The following GOLGA2 variants were observed in gnomAD, a reference collection of about 807,000 sequenced individuals.
The protein encoded by GOLGA2 is golgin subfamily A member 2.
A neutral mutation model predicts 148.8 loss-of-function variants in GOLGA2; 49 were observed. The ratio of observed to expected loss-of-function variants is 0.33; its 90% CI spans 0.26 to 0.42. The LOEUF is 0.42. Among genes scored for constraint, GOLGA2 ranks in the 10% least tolerant of loss-of-function variants. The pLI is 1.00. For missense variants in GOLGA2, 1,178 were observed against 1,304.6 expected (o/e 0.90, Z 1.49); for synonymous variants, 501 against 511.8 (o/e 0.98, Z 0.28).
Position 128,260,600 on chromosome 9 carries a change from C to A in GOLGA2, c.1623G>T (p.Trp541Cys), listed in dbSNP as rs552684735. The A allele has an allele frequency of 7.3e-5, 118 of 1,611,568 alleles. No homozygotes were observed. In the South Asian group the frequency reaches 1.0e-3, roughly 14 times the overall value. ...LLELERAAEL[W>C]GEQAEARRQI... ...GCCTGCGCGCCTCCGCCTGCTCCCC[C>A]CAGAGCTCGGCCGCCCGCTCCAGCT... Residue 541 changes from tryptophan (W) to cysteine (C), a missense_variant, in exon 18 of 27, where the codon TGG (tryptophan) becomes TGT (cysteine). Trp to Cys is a radical substitution (Grantham distance 215). Coordinates refer to ENST00000611957, the MANE Select transcript of GOLGA2 (RefSeq NM_001366244.2). The surrounding 1 kb of genome is among the most constrained non-coding windows in gnomAD (Gnocchi z 4.8).
In GOLGA2 at chr9:128,258,261, G is replaced by C. The variant is rs1830029484; in HGVS notation, c.2290-63C>G. The C allele has an allele frequency of 7.5e-7, 1 of 1,333,238 alleles. No homozygotes were observed. The highest frequency in any genetic ancestry group is 1.4e-5 in the African/African-American group (1 of 69,260). 82.6% of individuals were successfully genotyped at this position (1,333,238 alleles called of 1,614,324 possible). A position where few individuals can be genotyped will look rare whatever the true frequency, so the allele number is the denominator to read the frequency against. On this transcript the variant is annotated intron_variant, in intron 22 of 26. Coordinates refer to ENST00000611957, the MANE Select transcript of GOLGA2 (RefSeq NM_001366244.2). This position sits in a 1 kb window ranked among gnomAD's most constrained non-coding sequence, Gnocchi z 6.6. Reference sequence around the variant, plus strand: ...ATAGGATGAACAGGGCAGGGAGGTAGAGAGCAGCCCTTCCCTTGGGGCCTC... The same window carrying C: ...ATAGGATGAACAGGGCAGGGAGGTACAGAGCAGCCCTTCCCTTGGGGCCTC...
intron 3 of GOLGA2, among the ~76,000 whole-genome samples, chr9:128,270,069 T>C (rs1352685712): frequency 6.6e-6 from 1 of 151,412 alleles, no homozygotes; most frequent in Non-Finnish European, 1.5e-5. Flanking sequence ...AGGGCCCTCC[T>C]GGCATCTTCG....
chr9:128,262,724 A>C lies in GOLGA2; in HGVS notation c.993-20T>G. ...CTTTGGCTATGGCCAGAGGCAGTAG[A>C]GAAAGGAATGAACGAAGAACAGAAA... On this transcript the variant is annotated intron_variant, in intron 13 of 26. Coordinates refer to ENST00000611957, the MANE Select transcript of GOLGA2 (RefSeq NM_001366244.2). 6.2e-7 allele frequency: 1 copy of C among 1,608,032 alleles called. No homozygotes were observed. The highest frequency in any genetic ancestry group is 8.5e-7 in the Non-Finnish European group (1 of 1,177,084).
At chr9:128,262,003 A>T (rs1830305435) in intron 14 of GOLGA2, 1 of 491,114 alleles carries the variant, frequency 2.0e-6, no homozygotes. Context: ...CAGGAGTTCA[A>T]GACCAACCTC....
chr9:128,259,222 T>C lies in GOLGA2; in HGVS notation c.2042A>G (p.Glu681Gly). The change falls in exon 20 of 27, where the codon GAA (glutamate) becomes GGA (glycine). Residue 681 changes from glutamate to glycine, a missense_variant. Transcript: ENST00000611957. Reference sequence around the variant, plus strand: ...CTCGGCCACCGCTTTGCCCTGAGCTTCCTGCTGCTGCAGCTGGTCCACGAG... The same window carrying C: ...CTCGGCCACCGCTTTGCCCTGAGCTCCCTGCTGCTGCAGCTGGTCCACGAG... Reference protein sequence around the residue: ...TQLVDQLQQQEAQGKAVAEMA... With the variant: ...TQLVDQLQQQGAQGKAVAEMA... 1.9e-6 allele frequency: 3 copies of C among 1,592,752 alleles called. No homozygotes were observed. Among genetic ancestry groups the C allele is most frequent in the Non-Finnish European group, 2.6e-6 (3 of 1,169,868 alleles).
Position 128,271,777 on chromosome 9 carries a change from G to A in GOLGA2, c.288+1008C>T, listed in dbSNP as rs187847659. 2.0e-5 allele frequency among the ~76,000 whole-genome samples: 3 copies of A among 152,176 alleles called. No individual in the cohort carries two copies. The highest frequency in any genetic ancestry group is 7.2e-5 in the African/African-American group (3 of 41,524). On this transcript the variant is annotated intron_variant, in intron 3 of 26. Transcript: ENST00000611957. This position sits in a 1 kb window ranked among gnomAD's most constrained non-coding sequence, Gnocchi z 4.4. ...TCCTTCAGAGGAGTCTGCCTCCCTC[G>A]GTGTGCAGCCTACCTTGTTCATCTA...
chr9:128,263,039 C>A lies in GOLGA2; in HGVS notation c.987G>T (p.Lys329Asn). The A allele has an allele frequency of 6.2e-7, 1 of 1,604,762 alleles. No individual in the cohort carries two copies. The highest frequency in any genetic ancestry group is 2.2e-5 in the East Asian group (1 of 44,798). The change falls in exon 13 of 27, where the codon AAG (lysine) becomes AAT (asparagine). Residue 329 changes from lysine (K) to asparagine (N), a missense_variant. This residue lies in a region of GOLGA2 where 304 missense variants were observed against 404.1 expected (regional missense o/e 0.75). Transcript: ENST00000611957. Reference sequence around the variant, plus strand: ...CCCACCATCCCCCATCCTACGTGTTCTTGTATAACTCCAGCCTGAGGGCGT... The same window carrying A: ...CCCACCATCCCCCATCCTACGTGTTATTGTATAACTCCAGCCTGAGGGCGT... ...ERDALRLELYKNTQSNEDLKQ... is the reference protein window; with the variant it reads ...ERDALRLELYNNTQSNEDLKQ...
intron 1 of GOLGA2, among the ~76,000 whole-genome samples, chr9:128,275,089 T>C (rs988674964): frequency 1.1e-4 from 17 of 152,180 alleles, no homozygotes. Context: ...CGTTCTCACA[T>C]TGCCACCCAG....
chr9:128,270,103 GA>G (rs1247240105), intron 3 of GOLGA2, among the ~76,000 whole-genome samples: 12 of 149,914 alleles, frequency 8.0e-5, no homozygotes, highest in Non-Finnish European at 1.5e-4. Context: ...TCTAGGATTA[GA>G]CACAAGAATG....
Position 128,257,485 on chromosome 9 carries a change from A to T in GOLGA2, c.2759T>A (p.Val920Glu). The change falls in exon 26 of 27, where the codon GTG becomes GAG. Residue 920 changes from valine to glutamate, a missense_variant. Transcript: ENST00000611957. This position sits in a 1 kb window ranked among gnomAD's most constrained non-coding sequence, Gnocchi z 8.0. ...LELQELVLRL[V>E]GDRNEWHGRF... ...GCCATGCCACTCGTTGCGGTCGCCC[A>T]CAAGCCGTAAGACCAGCTCCTGCAG... The T allele has an allele frequency of 6.2e-7, 1 of 1,613,582 alleles. No individual in the cohort carries two copies. The highest frequency in any genetic ancestry group is 8.5e-7 in the Non-Finnish European group (1 of 1,179,990).
At chr9:128,268,576 A>G in intron 3 of GOLGA2, 52 bp from the exon 4 acceptor site, 1 of 931,540 alleles carries the variant, frequency 1.1e-6, no homozygotes, top group African/African-American at 1.6e-5. Flanking sequence ...GAGGTGCCTC[A>G]GTACTATGAA....
In GOLGA2 at chr9:128,262,692, C is replaced by T; in HGVS notation, c.1005G>A (p.Glu335=). The change falls in exon 14 of 27, where the codon GAG becomes GAA. Residue 335 remains glutamate, a synonymous_variant. Transcript: ENST00000611957. The stretch of plus-strand genomic sequence containing the variant: ...ATTCTGATTTCTCTTGCTTCAGGTC[C>T]TCATTGCTTTGGCTATGGCCAGAGG... The part of the protein sequence containing the change: ...LELYKNTQSN[E]DLKQEKSELE... 6.2e-7 allele frequency: 1 copy of T among 1,613,168 alleles called. No individual in the cohort carries two copies.
Position 128,256,876 on chromosome 9 carries a change from T to C in GOLGA2, c.*191A>G, listed in dbSNP as rs537540627. 2.0e-6 allele frequency: 1 copy of C among 488,516 alleles called. No individual in the cohort carries two copies. Among genetic ancestry groups the C allele is most frequent in the Admixed American group, 3.5e-5 (1 of 28,778 alleles). The allele number at this position is 488,516 out of a possible 1,614,324, so 30.3% of individuals were successfully genotyped here. A position where few individuals can be genotyped will look rare whatever the true frequency, so the allele number is the denominator to read the frequency against. ...TTTTAATCCCATAACTTTTAATTTTTTTTTAATTTAGTGGCCAGCTTTTAG... is the reference window on the plus strand; with the variant it reads ...TTTTAATCCCATAACTTTTAATTTTCTTTTAATTTAGTGGCCAGCTTTTAG... On this transcript the variant is annotated 3_prime_UTR_variant, in exon 27 of 27. Coordinates refer to ENST00000611957, the MANE Select transcript of GOLGA2 (RefSeq NM_001366244.2).
chr9:128,259,387 T>C lies in GOLGA2; in HGVS notation c.1877A>G (p.Glu626Gly), dbSNP rs1588478374. The C allele has an allele frequency of 1.9e-6, 3 of 1,575,958 alleles. No individual in the cohort carries two copies. Reference protein sequence around the residue: ...EKLSELKETVELKSQEAQSLQ... With the variant: ...EKLSELKETVGLKSQEAQSLQ... ...ACTTTGAGCCTCTTGGCTCTTCAGC[T>C]CCACCTGTAGGAAGACCCTGGGCGT... is the stretch of plus-strand genomic sequence containing the variant. Residue 626 changes from glutamate to glycine, a missense_variant, in exon 20 of 27, where the codon GAG (glutamate) becomes GGG (glycine). By Grantham distance (98) the Glu-to-Gly change is moderately conservative (BLOSUM62 -2). Transcript: ENST00000611957.
chr9:128,271,239 C>T lies in GOLGA2; in HGVS notation c.288+1546G>A, dbSNP rs73672483. Among the ~76,000 whole-genome samples the T allele has an allele frequency of 1.3e-5, 2 of 152,096 alleles. No homozygotes were observed. Among genetic ancestry groups the T allele is most frequent in the Non-Finnish European group, 1.5e-5 (1 of 68,030 alleles). On this transcript the variant is annotated intron_variant, in intron 3 of 26. Coordinates refer to ENST00000611957, the MANE Select transcript of GOLGA2 (RefSeq NM_001366244.2). This position sits in a 1 kb window ranked among gnomAD's most constrained non-coding sequence, Gnocchi z 4.4. ...CACCTCTAAGCCTGTGCTCCCCAGC[C>T]GTACCACTCAGCGTCTCCTCTGAGC...
chr9:128,270,484 G>A (rs1830872892), intron 3 of GOLGA2, among the ~76,000 whole-genome samples: 1 of 152,012 alleles, frequency 6.6e-6, no homozygotes, highest in Non-Finnish European at 1.5e-5. Flanking sequence ...ATTATTTTGT[G>A]AGCAACCAAG....
chr9:128,263,163 T>C (rs1278292066), intron 12 of GOLGA2, 71 bp from the exon 13 acceptor site: 1 of 841,870 alleles, frequency 1.2e-6, no homozygotes, highest in Non-Finnish European at 2.1e-6. Context: ...TAACAACAGC[T>C]ACAGTAAGTA....
In GOLGA2 at chr9:128,266,372, C is replaced by T. The variant is rs530238442; in HGVS notation, c.643-47G>A. ...AGGTGACTGAGGGTGGCCCCCTCAA[C>T]TCTATTCCCCAGACCAGGAACGGGT... On this transcript the variant is annotated intron_variant, in intron 8 of 26. Coordinates refer to ENST00000611957, the MANE Select transcript of GOLGA2 (RefSeq NM_001366244.2). This position sits in a 1 kb window ranked among gnomAD's most constrained non-coding sequence, Gnocchi z 4.2. The T allele has an allele frequency of 1.8e-5, 27 of 1,539,444 alleles. No homozygotes were observed. In the African/African-American group the frequency reaches 3.3e-4, roughly 19 times the overall value.
chr9:128,268,766 G>A (rs564390213), intron 3 of GOLGA2, among the ~76,000 whole-genome samples: 34 of 152,318 alleles, frequency 2.2e-4, no homozygotes, highest in African/African-American at 6.7e-4. Flanking sequence ...CGAGGACCTC[G>A]CTCTCCCTGG....
Sources: gnomAD v4.1 joint callset for allele counts (sites outside exome capture counted in the v4.1 genomes callset) on GRCh38, gnomAD v4.1.1 for gene constraint, gnomAD v4.1.1 regional missense constraint, Gnocchi (gnomAD v3.1) non-coding constraint, MANE v1.5 for transcripts, NCBI Gene and HGNC (gene_info 2026-07-23, HGNC 2026-07-21) for gene names.